Variants in CAND2 observed in about 807,000 individuals in gnomAD.
CAND2 encodes the protein cullin associated and neddylation dissociated 2 (putative).
Under a neutral mutation model 98.9 loss-of-function variants are expected in CAND2, and 62 were observed. That is an observed-to-expected ratio of 0.63 (90% CI 0.51 to 0.77). CAND2 has a LOEUF of 0.77. CAND2 is among the 30% of genes least tolerant of loss of function. The pLI, the probability that CAND2 is intolerant of heterozygous loss-of-function variation, is 0.00. For missense variants in CAND2, 1,501 were observed against 1,655.2 expected, an observed-to-expected ratio of 0.91 and a Z score of 1.62; for synonymous variants, 770 against 731.9, an observed-to-expected ratio of 1.05 and a Z score of -0.84.
rs577098558 is a variant in CAND2 at position 12,805,072 on chromosome 3, A to G, written c.212+1441A>G. 3.7e-4 allele frequency among the ~76,000 whole-genome samples: 56 copies of G among 152,318 alleles called. No individual in the cohort carries two copies. In the South Asian group the frequency reaches 0.012, roughly 32 times the overall value. ...CTCTACACATAATGCCCTAACCATA[A>G]CCATAAAGGCAAACTAGAAGGAATG... On this transcript the variant is annotated intron_variant, in intron 2 of 14. Transcript: ENST00000456430.
At chr3:12,799,560 C>T (rs1165067894) in intron 1 of CAND2, among the ~76,000 whole-genome samples, 6 of 152,090 alleles carry the variant, frequency 3.9e-5, no homozygotes, top group African/African-American at 1.4e-4. Context: ...TTTCTGAATT[C>T]GGACTATTTG....
At chr3:12,819,731 TTTA>T (rs1219939113) in intron 10 of CAND2, among the ~76,000 whole-genome samples, 3 of 152,148 alleles carry the variant, frequency 2.0e-5, no homozygotes, top group Non-Finnish European at 2.9e-5. Context: ...TTAATACTAC[TTTA>T]TTATTAATAG....
At chr3:12,828,050 A>G (rs1471313744) in intron 13 of CAND2, among the ~76,000 whole-genome samples, 1 of 151,816 alleles carries the variant, frequency 6.6e-6, no homozygotes. Flanking sequence ...GTGGAATACT[A>G]GCAGCATTGA....
At position 12,827,049 on chromosome 3, in the gene CAND2, C is replaced by T. The variant is rs574976367; in HGVS notation, c.3211-391C>T. Among the ~76,000 whole-genome samples the T allele has an allele frequency of 1.9e-3, 286 of 151,982 alleles. 1 individual carries two copies. Among genetic ancestry groups the T allele is most frequent in the Non-Finnish European group, 2.8e-3 (192 of 67,954 alleles). On this transcript the variant is annotated intron_variant, in intron 12 of 14. Transcript: ENST00000456430. ...AGTTTCGCCATGTTAGCCAGGATGG[C>T]CTCAATCTCCTGACTTCATGATCCG...
At chr3:12,821,228 C>T (rs1391052733) in intron 11 of CAND2, among the ~76,000 whole-genome samples, 4 of 71,644 alleles carry the variant, frequency 5.6e-5, no homozygotes, top group East Asian at 2.5e-4. Flanking sequence ...AGCAAGACTC[C>T]GTCTCAAAAA....
intron 11 of CAND2, among the ~76,000 whole-genome samples, chr3:12,823,659 G>A (rs1276777021): frequency 1.3e-5 from 2 of 152,154 alleles, no homozygotes; most frequent in Non-Finnish European, 2.9e-5. Flanking sequence ...GAACCCGGGA[G>A]GCAGAGCTTG....
At chr3:12,819,208 G>A (rs572108705) in intron 10 of CAND2, among the ~76,000 whole-genome samples, 25 of 152,370 alleles carry the variant, frequency 1.6e-4, no homozygotes, top group African/African-American at 5.8e-4. Context: ...CTGGGAGCCA[G>A]TCAGGCTGGC....
chr3:12,828,640 C>A (rs2062025190), intron 13 of CAND2, among the ~76,000 whole-genome samples: 1 of 152,166 alleles, frequency 6.6e-6, no homozygotes, highest in African/African-American at 2.4e-5. Context: ...CTGCGCCAGG[C>A]TCCATCTTCA....
Position 12,818,518 on chromosome 3 carries a change from C to T in CAND2, c.2944+642C>T, listed in dbSNP as rs374375325. Reference sequence around the variant, plus strand: ...AGGAGGGGCAGGCGTTTTGGCTTGTCGTGTTTTGGCACACCAGGTGTCTTA... The same window carrying T: ...AGGAGGGGCAGGCGTTTTGGCTTGTTGTGTTTTGGCACACCAGGTGTCTTA... On this transcript the variant is annotated intron_variant, in intron 10 of 14. Transcript: ENST00000456430. 1.9e-3 allele frequency among the ~76,000 whole-genome samples: 288 copies of T among 152,282 alleles called. 3 individuals are homozygous for T. Among genetic ancestry groups the T allele is most frequent in the African/African-American group, 6.3e-3 (260 of 41,562 alleles).
At chr3:12,824,559 C>T (rs1271086318) in intron 11 of CAND2, among the ~76,000 whole-genome samples, 1 of 152,230 alleles carries the variant, frequency 6.6e-6, no homozygotes, top group African/African-American at 2.4e-5. Flanking sequence ...CCTCTCAATA[C>T]TATTACCATG....
chr3:12,813,090 G>A lies in CAND2; in HGVS notation c.858G>A (p.Leu286=). Residue 286 remains leucine, a synonymous_variant, in exon 6 of 15, where the codon TTG becomes TTA. Transcript: ENST00000456430. ...ESCLQAFEAF[L]RKCPKEMGPH... ...GCCTCCAGGCTTTTGAGGCCTTCTTGAGGAAGTATGTATGGTGGGGTTGCC... is the reference window on the plus strand; with the variant it reads ...GCCTCCAGGCTTTTGAGGCCTTCTTAAGGAAGTATGTATGGTGGGGTTGCC... The A allele has an allele frequency of 1.3e-6, 2 of 1,575,868 alleles. No individual in the cohort carries two copies. Among genetic ancestry groups the A allele is most frequent in the Non-Finnish European group, 1.7e-6 (2 of 1,160,320 alleles).
At chr3:12,809,803 C>G in intron 4 of CAND2, 1 of 430,476 alleles carries the variant, frequency 2.3e-6, no homozygotes, top group Non-Finnish European at 4.1e-6. Flanking sequence ...TATGCTTTCC[C>G]CTATCAGGTC....
intron 11 of CAND2, among the ~76,000 whole-genome samples, chr3:12,823,087 T>C (rs551567743): frequency 6.6e-6 from 1 of 152,290 alleles, no homozygotes; most frequent in African/African-American, 2.4e-5. Flanking sequence ...ATCTACAAGA[T>C]ATTTATTTTC....
chr3:12,800,149 C>T (rs1330401002), intron 1 of CAND2, among the ~76,000 whole-genome samples: 1 of 152,238 alleles, frequency 6.6e-6, no homozygotes, highest in African/African-American at 2.4e-5. Context: ...CTTCACTTTA[C>T]CTTTGCCCAG....
At chr3:12,803,700 G>C in intron 2 of CAND2, 69 bp downstream of exon 2, 1 of 1,446,130 alleles carries the variant, frequency 6.9e-7, no homozygotes, top group East Asian at 2.4e-5. Context: ...GGGGACCGCT[G>C]TCCCTTTGGG....
chr3:12,833,445 T>C (rs548566567), intron 14 of CAND2, among the ~76,000 whole-genome samples: 1 of 152,254 alleles, frequency 6.6e-6, no homozygotes, highest in East Asian at 1.9e-4. Flanking sequence ...GAGGTAAGTA[T>C]GGGAACACAG....
intron 3 of CAND2, 80 bp downstream of exon 3, chr3:12,807,540 A>C: frequency 7.1e-7 from 1 of 1,412,604 alleles, no homozygotes; most frequent in Non-Finnish European, 9.5e-7. Flanking sequence ...AACAAAAAAA[A>C]AACACTGAGG....
At position 12,815,799 on chromosome 3, in the gene CAND2, C is replaced by T. The variant is rs920857688; in HGVS notation, c.1300-68C>T. On this transcript the variant is annotated intron_variant, in intron 8 of 14. Coordinates refer to ENST00000456430, the MANE Select transcript of CAND2 (RefSeq NM_001162499.2). This position sits in a 1 kb window ranked among gnomAD's most constrained non-coding sequence, Gnocchi z 5.7. ...CTGGGGATGTGTCTGGCAAAGCCTC[C>T]TGGTAGTGGGCAGGTGGGTAGGTTT... 76 of 1,500,332 alleles carry T rather than the reference C, an allele frequency of 5.1e-5. No homozygotes were observed. Among genetic ancestry groups the T allele is most frequent in the Middle Eastern group, 2.2e-4 (1 of 4,462 alleles). 92.9% of individuals were successfully genotyped at this position (1,500,332 alleles called of 1,614,324 possible).
At position 12,804,042 on chromosome 3, in the gene CAND2, T is replaced by G. The variant is rs2061787616; in HGVS notation, c.212+411T>G. On this transcript the variant is annotated intron_variant, in intron 2 of 14. Transcript: ENST00000456430. Reference sequence around the variant, plus strand: ...CCACCAGCTCCCTGGTAGTCATTGGTTAAGGGCTGCTTCTGGGGTAGGATG... The same window carrying G: ...CCACCAGCTCCCTGGTAGTCATTGGGTAAGGGCTGCTTCTGGGGTAGGATG... Among the ~76,000 whole-genome samples, 3 of 152,070 alleles carry G rather than the reference T, an allele frequency of 2.0e-5. No homozygotes were observed. In the South Asian group the frequency reaches 6.2e-4, roughly 32 times the overall value.
Sources: gnomAD v4.1 joint callset for allele counts (sites outside exome capture counted in the v4.1 genomes callset) on GRCh38, gnomAD v4.1.1 for gene constraint, Gnocchi (gnomAD v3.1) non-coding constraint, MANE v1.5 for transcripts, NCBI Gene and HGNC (gene_info 2026-07-23, HGNC 2026-07-21) for gene names.